The following UBE2E3 variants were observed in gnomAD, a reference collection of about 807,000 sequenced individuals.
UBE2E3 encodes ubiquitin-conjugating enzyme E2 E3.
A neutral mutation model predicts 23.6 loss-of-function variants in UBE2E3; 5 were observed. The observed-to-expected ratio is 0.21, with a 90% CI of 0.11 to 0.44. The LOEUF (loss-of-function observed/expected upper bound fraction) is 0.44, where lower values mean the gene tolerates loss of function less well. Ranked by LOEUF, UBE2E3 falls within the 20% of genes least tolerant of loss-of-function variation. The pLI is 0.99. For missense variants in UBE2E3, 81 were observed against 249.8 expected (o/e 0.32, Z 4.55); for synonymous variants, 78 against 87.5 (o/e 0.89, Z 0.60).
intron 3 of UBE2E3, among the ~76,000 whole-genome samples, chr2:181,041,433 G>A (rs1686500910): frequency 6.8e-6 from 1 of 146,576 alleles, no homozygotes; most frequent in Non-Finnish European, 1.5e-5. Flanking sequence ...TGTGAGCAGT[G>A]TGCAACATAA....
intron 3 of UBE2E3, among the ~76,000 whole-genome samples, chr2:180,985,984 G>A (rs998879781): frequency 6.6e-5 from 10 of 152,106 alleles, no homozygotes; most frequent in African/African-American, 1.7e-4. Context: ...TTTAGAGGGA[G>A]TAGAATCTTT....
At chr2:181,040,843 C>A (rs547058198) in intron 3 of UBE2E3, among the ~76,000 whole-genome samples, 1 of 152,256 alleles carries the variant, frequency 6.6e-6, no homozygotes, top group African/African-American at 2.4e-5. Flanking sequence ...GAGAGTTAGA[C>A]TGTGCAGTAA....
intron 3 of UBE2E3, among the ~76,000 whole-genome samples, chr2:181,037,165 G>A (rs1686319012): frequency 6.6e-6 from 1 of 152,202 alleles, no homozygotes; most frequent in African/African-American, 2.4e-5. Context: ...TGTTTGTGGT[G>A]ATGCTGGTGG....
chr2:180,985,915 A>G (rs1684452237), intron 3 of UBE2E3, among the ~76,000 whole-genome samples: 1 of 151,844 alleles, frequency 6.6e-6, no homozygotes, highest in Non-Finnish European at 1.5e-5. Flanking sequence ...GCAGTTGCCA[A>G]AGAAATCTAC....
intron 3 of UBE2E3, among the ~76,000 whole-genome samples, chr2:181,032,261 T>G (rs1686106236): frequency 6.6e-6 from 1 of 152,212 alleles, no homozygotes; most frequent in Non-Finnish European, 1.5e-5. Context: ...GAATATGGTC[T>G]TACTCACCTG....
chr2:181,015,874 A>G (rs1027340946), intron 3 of UBE2E3, among the ~76,000 whole-genome samples: 3 of 152,072 alleles, frequency 2.0e-5, no homozygotes, highest in South Asian at 4.1e-4. Context: ...ATTTATAGCT[A>G]ACTATGCTGC....
chr2:181,022,150 T>C lies in UBE2E3; in HGVS notation c.246-35543T>C, dbSNP rs373465696. On this transcript the variant is annotated intron_variant, in intron 3 of 5. Coordinates refer to ENST00000410062, the MANE Select transcript of UBE2E3 (RefSeq NM_006357.4). ...TTTGATGTCCTATGATTAATATTGT[T>C]ATGGCAAACATACTATAAGTTTAGG... is the stretch of plus-strand genomic sequence containing the variant. 2.0e-4 allele frequency among the ~76,000 whole-genome samples: 30 copies of C among 152,362 alleles called. No individual in the cohort carries two copies. The East Asian group carries it at 4.4e-3, about 23-fold the overall frequency.
intron 3 of UBE2E3, among the ~76,000 whole-genome samples, chr2:181,049,857 A>G (rs1478167939): frequency 6.6e-6 from 1 of 151,980 alleles, no homozygotes; most frequent in African/African-American, 2.4e-5. Context: ...TTTATGTTCA[A>G]TCTAATTCCT....
chr2:180,989,906 G>A, intron 3 of UBE2E3: 5 of 1,549,550 alleles, frequency 3.2e-6, no homozygotes, highest in Non-Finnish European at 4.4e-6. Flanking sequence ...CTTGCATAGA[G>A]TGTAAGGACA....
chr2:181,031,949 C>A (rs1377384481), intron 3 of UBE2E3, among the ~76,000 whole-genome samples: 1 of 152,038 alleles, frequency 6.6e-6, no homozygotes, highest in Non-Finnish European at 1.5e-5. Flanking sequence ...AAAGTTTGTC[C>A]GGCTCACAAA....
At chr2:181,011,979 C>T (rs992572010) in intron 3 of UBE2E3, among the ~76,000 whole-genome samples, 8 of 152,100 alleles carry the variant, frequency 5.3e-5, no homozygotes, top group Admixed American at 2.0e-4. Context: ...TTTCCTGTCA[C>T]TTTAGTGTCT....
chr2:181,014,421 G>C (rs2105613029), intron 3 of UBE2E3, among the ~76,000 whole-genome samples: 1 of 152,300 alleles, frequency 6.6e-6, no homozygotes, highest in East Asian at 1.9e-4. Context: ...TCACTTAGGT[G>C]AGTGTAAACG....
At chr2:181,005,364 A>T (rs1337985749) in intron 3 of UBE2E3, among the ~76,000 whole-genome samples, 1 of 152,216 alleles carries the variant, frequency 6.6e-6, no homozygotes, top group Non-Finnish European at 1.5e-5. Flanking sequence ...CATTAACTCC[A>T]GCTGAGTATA....
chr2:181,060,858 GTGCTTTTTTTTT>G, intron 5 of UBE2E3, 46 bp downstream of exon 5: 1 of 404,104 alleles, frequency 2.5e-6, no homozygotes, highest in Non-Finnish European at 3.7e-6. Context: ...ACAAAAACGA[GTGCTTTTTTTTT>G]TTTTTTTTTT....
intron 3 of UBE2E3, among the ~76,000 whole-genome samples, chr2:181,055,993 C>T (rs548405889): frequency 6.7e-6 from 1 of 149,728 alleles, no homozygotes; most frequent in East Asian, 2.0e-4. Flanking sequence ...GTTTTTCTTA[C>T]AACATTCGCA....
rs541612304 is a variant in UBE2E3 at position 180,991,468 on chromosome 2, A to G, written c.245+7375A>G. Reference sequence around the variant, plus strand: ...AAATGAGGGTTGTTTGAAAATAAGCACTGCAGTAGTCTATAACCGATTTTG... The same window carrying G: ...AAATGAGGGTTGTTTGAAAATAAGCGCTGCAGTAGTCTATAACCGATTTTG... On this transcript the variant is annotated intron_variant, in intron 3 of 5. Transcript: ENST00000410062. 5.3e-4 allele frequency among the ~76,000 whole-genome samples: 80 copies of G among 152,332 alleles called. 4 individuals are homozygous for G. The highest frequency in any genetic ancestry group is 2.6e-4 in the Admixed American group (4 of 15,302).
At chr2:181,007,018 CT>C (rs1285296589) in intron 3 of UBE2E3, among the ~76,000 whole-genome samples, 1 of 152,310 alleles carries the variant, frequency 6.6e-6, no homozygotes, top group East Asian at 1.9e-4. Flanking sequence ...CTTGAGGCAT[CT>C]CTGAGCAGGT....
chr2:181,060,938 C>G, intron 5 of UBE2E3, 126 bp downstream of exon 5: 2 of 974,682 alleles, frequency 2.1e-6, no homozygotes, highest in Non-Finnish European at 2.8e-6. Flanking sequence ...ATAGAAAGAT[C>G]CCCATAAAAC....
At chr2:181,059,901 A>G (rs62181578) in intron 4 of UBE2E3, among the ~76,000 whole-genome samples, 1 of 151,634 alleles carries the variant, frequency 6.6e-6, no homozygotes, top group Non-Finnish European at 1.5e-5. Context: ...AAATGATCAG[A>G]AATTTTTTTT....
Sources: gnomAD v4.1 joint callset for allele counts (sites outside exome capture counted in the v4.1 genomes callset) on GRCh38, gnomAD v4.1.1 for gene constraint, MANE v1.5 for transcripts, NCBI Gene and HGNC (gene_info 2026-07-23, HGNC 2026-07-21) for gene names.